CRB1: variants seen among roughly 807,000 people sequenced by gnomAD.
CRB1 encodes the protein crumbs cell polarity complex component 1, also known as protein crumbs homolog 1.
In CRB1, 83 loss-of-function variants were observed where a neutral mutation model predicts 120.0. That is an observed-to-expected ratio of 0.69 (90% confidence interval 0.58 to 0.83). The LOEUF (loss-of-function observed/expected upper bound fraction) is 0.83, where lower values mean the gene tolerates loss of function less well. CRB1 is among the 40% of genes least tolerant of loss of function. The pLI is 0.00. For synonymous variants in CRB1, 625 were observed against 612.5 expected, an observed-to-expected ratio of 1.02 and a Z score of -0.30; for missense variants, 1,699 against 1,687.6, an observed-to-expected ratio of 1.01 and a Z score of -0.12.
chr1:197,239,324 T>C, the CRB1 span, among the ~76,000 whole-genome samples: 9 of 152,176 alleles, frequency 5.9e-5, no homozygotes, highest in Non-Finnish European at 1.3e-4. Context: ...AAAATTAAAA[T>C]TCCCAACTAT....
intron 5 of CRB1, among the ~76,000 whole-genome samples, chr1:197,374,308 T>C (rs1661530300): frequency 6.6e-6 from 1 of 152,124 alleles, no homozygotes; most frequent in African/African-American, 2.4e-5. Flanking sequence ...GATGGGGAGA[T>C]TAGCCTATGG....
chr1:197,363,281 C>T (rs1660876748), intron 5 of CRB1, among the ~76,000 whole-genome samples: 1 of 151,932 alleles, frequency 6.6e-6, no homozygotes, highest in Non-Finnish European at 1.5e-5. Context: ...TGTCTATTCT[C>T]CATTGTTTGT....
At chr1:197,447,574 G>T (rs1383384766) in intron 11 of CRB1, 1 of 152,066 alleles carries the variant, frequency 6.6e-6, no homozygotes, top group Admixed American at 6.6e-5. Flanking sequence ...GGTTGCAGTG[G>T]CTCACATCTG....
At chr1:197,222,714 C>T in the CRB1 span, 1 of 828,402 alleles carries the variant, frequency 1.2e-6, no homozygotes, top group Non-Finnish European at 2.2e-6. Context: ...CAGTTCATTT[C>T]CCCTGAATTC....
chr1:197,202,729 A>C, the CRB1 span, among the ~76,000 whole-genome samples: 1 of 152,162 alleles, frequency 6.6e-6, no homozygotes, highest in Non-Finnish European at 1.5e-5. Flanking sequence ...TAGACCAAAA[A>C]TTTGGGTGTT....
In CRB1 at chr1:197,328,605, G is replaced by A. The variant is rs1553249226; in HGVS notation, c.254G>A (p.Cys85Tyr). 3 of 1,614,248 alleles carry A rather than the reference G, an allele frequency of 1.9e-6. No homozygotes were observed. The highest frequency in any genetic ancestry group is 2.2e-5 in the South Asian group (2 of 91,092). Residue 85 changes from cysteine (C) to tyrosine (Y), a missense_variant, in exon 2 of 12, where the codon TGT (cysteine) becomes TAT (tyrosine). By Grantham distance (194) the Cys-to-Tyr change is radical. Transcript: ENST00000367400. The stretch of plus-strand genomic sequence containing the variant: ...AATCCCTGTCAAGGAAGTGCCACTT[G>A]TGTGAACACCCCAGGAGAAAGGAGC... ...FSNPCQGSATCVNTPGERSFL... is the reference protein window; with the variant it reads ...FSNPCQGSATYVNTPGERSFL...
At chr1:197,359,966 G>C (rs1357213651) in intron 5 of CRB1, among the ~76,000 whole-genome samples, 3 of 151,990 alleles carry the variant, frequency 2.0e-5, no homozygotes. Context: ...TTTAACTGTT[G>C]AGTAATTTTC....
intron 5 of CRB1, among the ~76,000 whole-genome samples, chr1:197,375,884 T>C (rs1661620087): frequency 6.6e-6 from 1 of 152,182 alleles, no homozygotes; most frequent in Non-Finnish European, 1.5e-5. Flanking sequence ...AAGAGATGTG[T>C]ATACTTACTC....
rs1301055124 is a variant in CRB1, at chr1:197,308,820, CAAAT to C, written c.71-19594_71-19591del. 3.3e-5 allele frequency among the ~76,000 whole-genome samples: 5 copies of C among 150,324 alleles called. No individual in the cohort carries two copies. In the East Asian group the frequency reaches 5.9e-4, roughly 18 times the overall value. ...AATATAATAAATGCTTTTATGTAAA[CAAAT>C]AAATAAAAAATATAAATTTATAAAC... is the stretch of plus-strand genomic sequence containing the variant. On this transcript the variant is annotated intron_variant, in intron 1 of 11. Coordinates refer to ENST00000367400, the MANE Select transcript of CRB1 (RefSeq NM_201253.3).
chr1:197,232,188 A>G, the CRB1 span, among the ~76,000 whole-genome samples: 1 of 152,210 alleles, frequency 6.6e-6, no homozygotes, highest in Admixed American at 6.5e-5. Flanking sequence ...TAGAGGATCC[A>G]AGGGAATGCA....
chr1:197,446,804 T>A (rs1489801374), intron 11 of CRB1, among the ~76,000 whole-genome samples: 3 of 152,164 alleles, frequency 2.0e-5, no homozygotes, highest in African/African-American at 4.8e-5. Context: ...AACTTAAATT[T>A]GGTGGATAAT....
Position 197,477,831 on chromosome 1 carries a change from G to T in CRB1, c.4173G>T (p.Val1391=). ...GTCAGGAGAAGGAGGGCTCCCGAGT[G>T]GAAATGTGGAACTTGATGCCACCCC... ...PSRQEKEGSR[V]EMWNLMPPPA... Residue 1391 remains valine (V), a synonymous_variant, in exon 12 of 12, where the codon GTG becomes GTT. Transcript: ENST00000367400. 1 of 1,613,880 alleles carries T rather than the reference G, an allele frequency of 6.2e-7. No homozygotes were observed. Among genetic ancestry groups the T allele is most frequent in the Non-Finnish European group, 8.5e-7 (1 of 1,179,874 alleles).
the CRB1 span, among the ~76,000 whole-genome samples, chr1:197,250,807 C>T: frequency 1.3e-5 from 2 of 151,970 alleles, no homozygotes; most frequent in Admixed American, 6.6e-5. Context: ...AGCTGCACCT[C>T]AGTCAGAAGA....
intron 1 of CRB1, among the ~76,000 whole-genome samples, chr1:197,296,866 C>A (rs766111644): frequency 9.9e-5 from 15 of 152,154 alleles, no homozygotes; most frequent in African/African-American, 3.6e-4. Context: ...CCATGTAAGA[C>A]GTCCCTTTTG....
chr1:197,241,332 A>G, the CRB1 span, among the ~76,000 whole-genome samples: 1 of 152,136 alleles, frequency 6.6e-6, no homozygotes, highest in Non-Finnish European at 1.5e-5. Context: ...TTATGGTTTT[A>G]GGTCTTGCAT....
At chr1:197,364,045 C>G in intron 5 of CRB1, 2 of 1,369,582 alleles carry the variant, frequency 1.5e-6, no homozygotes, top group Admixed American at 1.7e-5. Context: ...CTTCTTGATG[C>G]GAAAGAATCA....
intron 1 of CRB1, among the ~76,000 whole-genome samples, chr1:197,276,189 T>C (rs973481019): frequency 6.6e-6 from 1 of 151,886 alleles, no homozygotes; most frequent in African/African-American, 2.4e-5. Context: ...AGTCATGCTG[T>C]ATCCCATACT....
At chr1:197,403,526 A>T (rs539380953) in intron 5 of CRB1, among the ~76,000 whole-genome samples, 7 of 152,306 alleles carry the variant, frequency 4.6e-5, no homozygotes, top group African/African-American at 1.7e-4. Flanking sequence ...AACTTCAAAA[A>T]TGTCTTTGAG....
At chr1:197,284,962 A>G (rs1364388123) in intron 1 of CRB1, among the ~76,000 whole-genome samples, 1 of 151,908 alleles carries the variant, frequency 6.6e-6, no homozygotes, top group Non-Finnish European at 1.5e-5. Context: ...CCTTGAAATC[A>G]TGTTGTGTTA....
Sources: gnomAD v4.1 joint callset for allele counts (sites outside exome capture counted in the v4.1 genomes callset) on GRCh38, gnomAD v4.1.1 for gene constraint, MANE v1.5 for transcripts, NCBI Gene and HGNC (gene_info 2026-07-23, HGNC 2026-07-21) for gene names.